Variants in NRXN1 observed in about 807,000 individuals in gnomAD.
NRXN1 encodes the protein neurexin 1, also known as neurexin-1.
In NRXN1, 39 loss-of-function variants were observed where a neutral mutation model predicts 150.9. The ratio of observed to expected loss-of-function variants is 0.26; its 90% CI spans 0.20 to 0.34. The LOEUF is 0.34. Ranked by LOEUF, NRXN1 falls within the 10% of genes least tolerant of loss-of-function variation. The pLI is 1.00. For missense variants in NRXN1, 1,815 were observed against 1,949.9 expected (o/e 0.93, Z 1.30); for synonymous variants, 924 against 757.0 (o/e 1.22, Z -3.62).
At chr2:50,125,745 A>G (rs1704493230) in intron 18 of NRXN1, among the ~76,000 whole-genome samples, 1 of 152,138 alleles carries the variant, frequency 6.6e-6, no homozygotes, top group Admixed American at 6.6e-5. Context: ...AAGAAAATTA[A>G]GGAAAAGAAA....
At chr2:50,193,533 G>T (rs1265755375) in intron 18 of NRXN1, among the ~76,000 whole-genome samples, 1 of 152,086 alleles carries the variant, frequency 6.6e-6, no homozygotes, top group Non-Finnish European at 1.5e-5. Flanking sequence ...GTAGACTTCT[G>T]GCAGGGCTTC....
chr2:50,012,172 T>C (rs1270906013), intron 21 of NRXN1, among the ~76,000 whole-genome samples: 3 of 152,116 alleles, frequency 2.0e-5, no homozygotes, highest in Non-Finnish European at 4.4e-5. Context: ...TAGAGTCTTT[T>C]CTCATGGAAA....
chr2:50,761,254 G>T (rs1559223887), intron 5 of NRXN1, among the ~76,000 whole-genome samples: 2 of 151,844 alleles, frequency 1.3e-5, no homozygotes, highest in Non-Finnish European at 2.9e-5. Flanking sequence ...TTATGATTTG[G>T]CTGTGTTCCC....
At chr2:50,752,441 G>C (rs982679860) in intron 5 of NRXN1, among the ~76,000 whole-genome samples, 1 of 151,926 alleles carries the variant, frequency 6.6e-6, no homozygotes, top group Admixed American at 6.6e-5. Context: ...CAAGTACCAA[G>C]CTAATGTTCA....
chr2:50,084,192 C>A (rs186299650), intron 19 of NRXN1, among the ~76,000 whole-genome samples: 2 of 152,234 alleles, frequency 1.3e-5, no homozygotes, highest in African/African-American at 4.8e-5. Context: ...GTATCCCACA[C>A]GGGGCGGCAG....
intron 12 of NRXN1, among the ~76,000 whole-genome samples, chr2:50,508,170 G>A (rs2092318628): frequency 6.6e-6 from 1 of 152,032 alleles, no homozygotes; most frequent in Admixed American, 6.6e-5. Context: ...ATCCTTGGCT[G>A]GTGTATCTCA....
chr2:50,666,913 G>A (rs1688131958), intron 5 of NRXN1, among the ~76,000 whole-genome samples: 1 of 150,778 alleles, frequency 6.6e-6, no homozygotes, highest in Non-Finnish European at 1.5e-5. Flanking sequence ...GTGTGGTGAA[G>A]CTCATTTAAA....
At chr2:50,575,068 G>A (rs1671206221) in intron 8 of NRXN1, among the ~76,000 whole-genome samples, 1 of 152,188 alleles carries the variant, frequency 6.6e-6, no homozygotes. Context: ...GGAAATGGTT[G>A]CCAATGAGGT....
At position 50,091,567 on chromosome 2, in the gene NRXN1, G is replaced by A. The variant is rs925620198; in HGVS notation, c.3547-73C>T. 3.3e-6 allele frequency: 5 copies of A among 1,501,362 alleles called. No homozygotes were observed. The Admixed American group carries it at 5.1e-5, about 15-fold the overall frequency. 93.0% of individuals were successfully genotyped at this position (1,501,362 alleles called of 1,614,324 possible). ...CCATTTAATAAAGATTACATACAAGGTATTGTTTTAAAATGTGCTTTGGAC... is the reference window on the plus strand; with the variant it reads ...CCATTTAATAAAGATTACATACAAGATATTGTTTTAAAATGTGCTTTGGAC... On this transcript the variant is annotated intron_variant, in intron 18 of 22. Coordinates refer to ENST00000401669, the MANE Select transcript of NRXN1 (RefSeq NM_001330078.2).
intron 17 of NRXN1, among the ~76,000 whole-genome samples, chr2:50,386,908 C>G (rs2081364565): frequency 6.6e-6 from 1 of 152,086 alleles, no homozygotes; most frequent in South Asian, 2.1e-4. Flanking sequence ...CACAATTATA[C>G]CTATGCCTTA....
rs764073226 is a variant in NRXN1, at chr2:50,019,641, C to CAAAAAAAAAAAAAAAAAAAAAAAAA, written c.4128+33629_4128+33630insTTTTTTTTTTTTTTTTTTTTTTTTT. On this transcript the variant is annotated intron_variant, in intron 21 of 22. Coordinates refer to ENST00000401669, the MANE Select transcript of NRXN1 (RefSeq NM_001330078.2). ...TGTAAGAAGGAGCAAGATTCCGTCT[C>CAAAAAAAAAAAAAAAAAAAAAAAAA]AAAAAAAAAAAAAAAAAAAAGGAGG... Among the ~76,000 whole-genome samples the CAAAAAAAAAAAAAAAAAAAAAAAAA allele has an allele frequency of 3.5e-4, 9 of 25,552 alleles. 2 individuals carry two copies. Among genetic ancestry groups the CAAAAAAAAAAAAAAAAAAAAAAAAA allele is most frequent in the Non-Finnish European group, 4.5e-4 (7 of 15,698 alleles). The allele number at this position is 25,552 out of a possible 152,430, so 16.8% of individuals were successfully genotyped here.
intron 18 of NRXN1, among the ~76,000 whole-genome samples, chr2:50,223,379 C>A (rs1037524693): frequency 5.3e-5 from 8 of 151,882 alleles, no homozygotes; most frequent in Non-Finnish European, 1.5e-5. Flanking sequence ...TTCTCAATAA[C>A]CAGTTACAAA....
Position 50,623,597 on chromosome 2 carries a change from G to A in NRXN1, c.851C>T (p.Ala284Val), listed in dbSNP as rs774390384. 7.5e-6 allele frequency: 12 copies of A among 1,610,414 alleles called. No individual in the cohort carries two copies. Among genetic ancestry groups the A allele is most frequent in the African/African-American group, 1.3e-5 (1 of 74,896 alleles). ...GKSKGKEEYI[A>V]TFKGSEYFCY... The stretch of plus-strand genomic sequence containing the variant: ...GAAGTATTCAGATCCTTTGAACGTG[G>A]CAATATATTCTTCTTTTCCTAGAGG... The change falls in exon 6 of 23, where the codon GCC (alanine) becomes GTC (valine). Residue 284 changes from alanine (A) to valine (V), a missense_variant. By Grantham distance (64) the Ala-to-Val change is moderately conservative (BLOSUM62 0). Transcript: ENST00000401669.
At chr2:49,965,045 A>AT (rs1676706439) in intron 21 of NRXN1, among the ~76,000 whole-genome samples, 1 of 150,884 alleles carries the variant, frequency 6.6e-6, no homozygotes, top group African/African-American at 2.4e-5. Flanking sequence ...ACACCTAGCT[A>AT]TTTTTTGTAT....
chr2:50,539,058 T>A (rs561201616), intron 9 of NRXN1, among the ~76,000 whole-genome samples: 2 of 152,334 alleles, frequency 1.3e-5, no homozygotes, highest in East Asian at 3.9e-4. Context: ...CATGTTCCTA[T>A]TTTAACTGAC....
intron 21 of NRXN1, chr2:50,023,878 T>C (rs1290371670): frequency 6.6e-6 from 1 of 152,226 alleles, no homozygotes; most frequent in Non-Finnish European, 1.5e-5. Flanking sequence ...AGTTCATGTA[T>C]GCCACCAAGA....
intron 2 of NRXN1, among the ~76,000 whole-genome samples, chr2:50,961,864 C>T (rs2104697580): frequency 6.6e-6 from 1 of 151,394 alleles, no homozygotes; most frequent in African/African-American, 2.4e-5. Flanking sequence ...CCATATTCTC[C>T]ACAAAATGGG....
intron 17 of NRXN1, among the ~76,000 whole-genome samples, chr2:50,314,366 A>T (rs2075421576): frequency 6.6e-6 from 1 of 151,748 alleles, no homozygotes; most frequent in African/African-American, 2.4e-5. Context: ...CAAACAAAAC[A>T]CCTCTCTCTA....
intron 5 of NRXN1, among the ~76,000 whole-genome samples, chr2:50,795,416 C>T (rs1363669833): frequency 6.6e-6 from 1 of 152,082 alleles, no homozygotes; most frequent in Non-Finnish European, 1.5e-5. Context: ...ATGTTATCAA[C>T]CTCTGTGCTC....
Sources: allele counts gnomAD v4.1 joint callset (sites outside exome capture counted in the v4.1 genomes callset), GRCh38; gene constraint gnomAD v4.1.1; transcripts MANE v1.5; gene names NCBI Gene and HGNC (gene_info 2026-07-23, HGNC 2026-07-21).